MYO5A: variants seen among roughly 807,000 people sequenced by gnomAD.
MYO5A encodes the protein unconventional myosin-Va.
Under a neutral mutation model 249.7 loss-of-function variants are expected in MYO5A, and 98 were observed. The ratio of observed to expected loss-of-function variants is 0.39; its 90% CI spans 0.33 to 0.46. MYO5A has a LOEUF of 0.46. Among genes scored for constraint, MYO5A ranks in the 20% least tolerant of loss-of-function variants. The pLI is 0.98. For synonymous variants in MYO5A, 778 were observed against 810.6 expected, an observed-to-expected ratio of 0.96 and a Z score of 0.68; for missense variants, 1,696 against 2,308.8, an observed-to-expected ratio of 0.73 and a Z score of 5.44.
chr15:52,382,742 G>A (rs566383063), intron 16 of MYO5A, among the ~76,000 whole-genome samples: 246 of 152,278 alleles, frequency 1.6e-3, no homozygotes, highest in African/African-American at 5.7e-3. Flanking sequence ...GTAAGCATTC[G>A]CCAAACAGCC....
chr15:52,340,270 G>T lies in MYO5A; in HGVS notation c.4165C>A (p.Leu1389Met), dbSNP rs749870708. Reference protein sequence around the residue: ...NRQQQLLAQNLQLPPEARIEA... With the variant: ...NRQQQLLAQNMQLPPEARIEA... ...ATGCGGGCCTCTGGGGGCAGCTGCA[G>T]GTTCTGGGCCAGCAGCTGCTGCTGT... is the stretch of plus-strand genomic sequence containing the variant. Residue 1389 changes from leucine to methionine, a missense_variant, in exon 32 of 42, where the codon CTG becomes ATG. Leu to Met is a conservative substitution (Grantham distance 15, BLOSUM62 2). Coordinates refer to ENST00000399233, the MANE Select transcript of MYO5A (RefSeq NM_001382347.1). 13 of 1,614,000 alleles carry T rather than the reference G, an allele frequency of 8.1e-6. No homozygotes were observed. In the African/African-American group the frequency reaches 1.7e-4, roughly 22 times the overall value.
At chr15:52,328,301 C>T (rs1421933160) in intron 35 of MYO5A, among the ~76,000 whole-genome samples, 1 of 152,174 alleles carries the variant, frequency 6.6e-6, no homozygotes, top group Non-Finnish European at 1.5e-5. Flanking sequence ...CTAAGCCTCT[C>T]CCAAACCAAA....
chr15:52,329,592 T>C (rs1270793490), intron 35 of MYO5A, among the ~76,000 whole-genome samples: 1 of 152,218 alleles, frequency 6.6e-6, no homozygotes, highest in Middle Eastern at 3.2e-3. Context: ...TTTTCCTTTT[T>C]TTGTTTCTTC....
chr15:52,329,753 T>G (rs1408497792), intron 35 of MYO5A, among the ~76,000 whole-genome samples: 1 of 152,078 alleles, frequency 6.6e-6, no homozygotes, highest in East Asian at 1.9e-4. Flanking sequence ...TTTTTATTAT[T>G]TTTGAGAAAG....
At chr15:52,342,690 G>A (rs755522367) in intron 31 of MYO5A, among the ~76,000 whole-genome samples, 60 of 152,044 alleles carry the variant, frequency 3.9e-4, no homozygotes, top group Non-Finnish European at 7.8e-4. Flanking sequence ...TCAGGTGGGC[G>A]CATCACCTGA....
chr15:52,412,876 G>A (rs776930585), intron 5 of MYO5A, among the ~76,000 whole-genome samples: 26 of 152,254 alleles, frequency 1.7e-4, no homozygotes, highest in African/African-American at 6.0e-4. Flanking sequence ...GGCTGGGTGC[G>A]GTGGCTCATG....
At chr15:52,450,031 T>G (rs1175779409) in intron 1 of MYO5A, among the ~76,000 whole-genome samples, 1 of 152,024 alleles carries the variant, frequency 6.6e-6, no homozygotes, top group East Asian at 1.9e-4. Context: ...AGGCTCAGGC[T>G]TTAGAGCAGG....
intron 11 of MYO5A, among the ~76,000 whole-genome samples, chr15:52,393,513 C>T (rs140037880): frequency 1.6e-4 from 24 of 152,186 alleles, no homozygotes; most frequent in African/African-American, 5.5e-4. Flanking sequence ...CCTGATTCAG[C>T]CTCCTGAGTA....
intron 24 of MYO5A, among the ~76,000 whole-genome samples, chr15:52,361,205 A>G (rs1197463671): frequency 6.6e-6 from 1 of 152,198 alleles, no homozygotes; most frequent in East Asian, 1.9e-4. Context: ...CATGAAGTCA[A>G]AGGCACTCAA....
intron 12 of MYO5A, among the ~76,000 whole-genome samples, chr15:52,390,210 TA>T (rs1268895381): frequency 3.9e-5 from 6 of 152,088 alleles, no homozygotes; most frequent in Non-Finnish European, 1.5e-5. Context: ...TTAGAATGAA[TA>T]AGCCCTAGTA....
chr15:52,380,885 A>C lies in MYO5A; in HGVS notation c.2013-977T>G, dbSNP rs3794563. Among the ~76,000 whole-genome samples the C allele has an allele frequency of 2.0e-5, 3 of 152,310 alleles. No individual in the cohort carries two copies. In the East Asian group the frequency reaches 5.8e-4, roughly 29 times the overall value. ...CAGTATACAGAGCTCCCCTGGAATA[A>C]AGACTGGTCAACCCTGGAGATTTCT... On this transcript the variant is annotated intron_variant, in intron 16 of 41. Transcript: ENST00000399233.
intron 40 of MYO5A, among the ~76,000 whole-genome samples, 195 bp downstream of exon 40, chr15:52,316,853 T>C (rs2038046772): frequency 6.6e-6 from 1 of 152,228 alleles, no homozygotes; most frequent in African/African-American, 2.4e-5. Flanking sequence ...AATATATTTA[T>C]ACTGTAATTA....
chr15:52,367,021 T>C lies in MYO5A; in HGVS notation c.3160+10A>G, dbSNP rs1298989106. The stretch of plus-strand genomic sequence containing the variant: ...GGTTGGTTGGCGTGTAGTACGCATA[T>C]AAGCTTTACCTGTCATCTCCTTAGC... On this transcript the variant is annotated intron_variant, in intron 23 of 41. Coordinates refer to ENST00000399233, the MANE Select transcript of MYO5A (RefSeq NM_001382347.1). The C allele has an allele frequency of 1.2e-6, 2 of 1,612,706 alleles. No homozygotes were observed. Among genetic ancestry groups the C allele is most frequent in the South Asian group, 1.1e-5 (1 of 91,064 alleles).
chr15:52,365,342 A>G (rs1047544404), intron 23 of MYO5A, among the ~76,000 whole-genome samples: 1 of 152,090 alleles, frequency 6.6e-6, no homozygotes, highest in Non-Finnish European at 1.5e-5. Context: ...TGCCTTCTCC[A>G]TTTACCTACA....
At chr15:52,420,519 C>G (rs1415644568) in intron 4 of MYO5A, among the ~76,000 whole-genome samples, 1 of 151,992 alleles carries the variant, frequency 6.6e-6, no homozygotes, top group East Asian at 1.9e-4. Flanking sequence ...CTAGATGTAG[C>G]CTATCAACCT....
intron 35 of MYO5A, among the ~76,000 whole-genome samples, chr15:52,329,892 C>T (rs1172782276): frequency 7.8e-6 from 1 of 128,498 alleles, no homozygotes; most frequent in Admixed American, 7.9e-5. Context: ...GCATGTACCA[C>T]CTCGCCTGGG....
intron 1 of MYO5A, among the ~76,000 whole-genome samples, chr15:52,473,343 T>C (rs1302949153): frequency 6.6e-6 from 1 of 152,210 alleles, no homozygotes; most frequent in Non-Finnish European, 1.5e-5. Context: ...ATTCTGTAGG[T>C]TGCCTGTTCA....
intron 9 of MYO5A, among the ~76,000 whole-genome samples, chr15:52,399,112 T>C (rs1307511367): frequency 6.6e-6 from 1 of 152,190 alleles, no homozygotes; most frequent in African/African-American, 2.4e-5. Context: ...AACTGTTTGG[T>C]TTAAATTCTC....
intron 4 of MYO5A, among the ~76,000 whole-genome samples, chr15:52,417,713 G>C (rs1247036093): frequency 1.3e-5 from 2 of 152,152 alleles, no homozygotes; most frequent in African/African-American, 4.8e-5. Flanking sequence ...GTGGGCTCCT[G>C]ATAAAAGGAT....
Sources: gnomAD v4.1 joint callset for allele counts (sites outside exome capture counted in the v4.1 genomes callset) on GRCh38, gnomAD v4.1.1 for gene constraint, MANE v1.5 for transcripts, NCBI Gene and HGNC (gene_info 2026-07-23, HGNC 2026-07-21) for gene names.